The following EPHA6 variants were observed in gnomAD, a reference collection of about 807,000 sequenced individuals.
EPHA6 encodes ephrin type-A receptor 6.
Under a neutral mutation model 112.0 loss-of-function variants are expected in EPHA6, and 50 were observed. That is an observed-to-expected ratio of 0.45 (90% confidence interval 0.36 to 0.56). The LOEUF is 0.56. Among genes scored for constraint, EPHA6 ranks in the 20% least tolerant of loss-of-function variants. The pLI, the probability that EPHA6 is intolerant of heterozygous loss-of-function variation, is 0.00. For synonymous variants in EPHA6, 529 were observed against 490.7 expected (o/e 1.08, Z -1.03); for missense variants, 1,280 against 1,417.4 (o/e 0.90, Z 1.56).
At chr3:97,076,437 T>C (rs1297476873) in intron 3 of EPHA6, among the ~76,000 whole-genome samples, 1 of 152,076 alleles carries the variant, frequency 6.6e-6, no homozygotes, top group Non-Finnish European at 1.5e-5. Flanking sequence ...GGTAAGGAAG[T>C]GACAGAAGAA....
At chr3:97,258,351 G>A (rs1362113286) in intron 5 of EPHA6, among the ~76,000 whole-genome samples, 2 of 151,832 alleles carry the variant, frequency 1.3e-5, no homozygotes, top group East Asian at 1.9e-4. Context: ...AAATTTCAAT[G>A]TTATGATACT....
intron 1 of EPHA6, among the ~76,000 whole-genome samples, chr3:96,817,988 A>G (rs909725076): frequency 2.6e-5 from 4 of 151,924 alleles, no homozygotes; most frequent in African/African-American, 9.7e-5. Context: ...CAGAAAGTAA[A>G]GGTTCTTCCT....
At chr3:96,877,547 A>T (rs2037040233) in intron 2 of EPHA6, among the ~76,000 whole-genome samples, 1 of 152,050 alleles carries the variant, frequency 6.6e-6, no homozygotes, top group Admixed American at 6.6e-5. Context: ...AGAATAAAAA[A>T]TAGAACATAT....
intron 5 of EPHA6, among the ~76,000 whole-genome samples, chr3:97,387,668 C>A (rs2086150680): frequency 6.6e-6 from 1 of 152,100 alleles, no homozygotes; most frequent in Non-Finnish European, 1.5e-5. Context: ...TTCTTCTGAG[C>A]CCTCTAAACT....
chr3:96,920,616 C>A (rs773492304), intron 2 of EPHA6, among the ~76,000 whole-genome samples: 4 of 151,724 alleles, frequency 2.6e-5, no homozygotes, highest in Non-Finnish European at 4.4e-5. Context: ...CACTTAATTA[C>A]CCGTATTACA....
At chr3:97,320,871 T>A (rs542914481) in intron 5 of EPHA6, among the ~76,000 whole-genome samples, 1 of 147,258 alleles carries the variant, frequency 6.8e-6, no homozygotes, top group South Asian at 2.2e-4. Flanking sequence ...CCTAATTACA[T>A]CCTTGTCAAG....
intron 2 of EPHA6, among the ~76,000 whole-genome samples, chr3:96,929,554 C>T (rs2040209812): frequency 6.6e-6 from 1 of 152,176 alleles, no homozygotes; most frequent in Non-Finnish European, 1.5e-5. Flanking sequence ...TATTGGCCCC[C>T]AGTCTCTTCT....
At chr3:97,133,802 A>T (rs920749259) in intron 3 of EPHA6, among the ~76,000 whole-genome samples, 3 of 152,016 alleles carry the variant, frequency 2.0e-5, no homozygotes, top group Admixed American at 2.0e-4. Context: ...CACCTAGGAG[A>T]TCAAAGAAGT....
intron 14 of EPHA6, among the ~76,000 whole-genome samples, chr3:97,692,810 T>TA (rs2032758224): frequency 6.6e-6 from 1 of 152,186 alleles, no homozygotes; most frequent in South Asian, 2.1e-4. Context: ...AAAAAATACA[T>TA]ATGGGCAGTT....
chr3:97,259,684 A>C (rs2079433085), intron 5 of EPHA6, among the ~76,000 whole-genome samples: 1 of 152,226 alleles, frequency 6.6e-6, no homozygotes, highest in Non-Finnish European at 1.5e-5. Flanking sequence ...GCTGTCATAC[A>C]GTAGAAGTAA....
At chr3:97,234,044 G>T (rs988745978) in intron 4 of EPHA6, among the ~76,000 whole-genome samples, 8 of 152,088 alleles carry the variant, frequency 5.3e-5, no homozygotes, top group Non-Finnish European at 7.4e-5. Flanking sequence ...ACCATTAAGA[G>T]TTTTACAGAT....
intron 1 of EPHA6, among the ~76,000 whole-genome samples, chr3:96,841,321 G>A (rs1223561509): frequency 6.6e-6 from 1 of 152,092 alleles, no homozygotes; most frequent in African/African-American, 2.4e-5. Flanking sequence ...ACAGAATGCG[G>A]GCGGGTTTGC....
chr3:97,578,446 A>G (rs2093407994), intron 11 of EPHA6, among the ~76,000 whole-genome samples: 1 of 152,220 alleles, frequency 6.6e-6, no homozygotes, highest in Non-Finnish European at 1.5e-5. Flanking sequence ...CTGATCACAT[A>G]GCTTCATCTG....
At position 97,095,203 on chromosome 3, in the gene EPHA6, T is replaced by C. The variant is rs146360333; in HGVS notation, c.1114+107210T>C. On this transcript the variant is annotated intron_variant, in intron 3 of 17. Coordinates refer to ENST00000389672, the MANE Select transcript of EPHA6 (RefSeq NM_001080448.3). ...CATCCTGACTTTTTAATGATCGCCA[T>C]TCTAACTGGTATGAGATGGTATCTC... Among the ~76,000 whole-genome samples, 80 of 152,102 alleles carry C rather than the reference T, an allele frequency of 5.3e-4. 2 individuals are homozygous for C. The highest frequency in any genetic ancestry group is 1.9e-3 in the African/African-American group (77 of 41,524).
At chr3:97,048,897 G>A (rs996522806) in intron 3 of EPHA6, among the ~76,000 whole-genome samples, 1 of 152,210 alleles carries the variant, frequency 6.6e-6, no homozygotes, top group Non-Finnish European at 1.5e-5. Context: ...GATTTGGGGA[G>A]CAGGGGGATG....
At chr3:97,009,835 A>G (rs2044017014) in intron 3 of EPHA6, among the ~76,000 whole-genome samples, 1 of 152,170 alleles carries the variant, frequency 6.6e-6, no homozygotes, top group Non-Finnish European at 1.5e-5. Flanking sequence ...GCTGGAGGGA[A>G]CAGACTCCCC....
intron 11 of EPHA6, among the ~76,000 whole-genome samples, chr3:97,591,313 T>C (rs2093542298): frequency 6.6e-6 from 1 of 152,176 alleles, no homozygotes; most frequent in African/African-American, 2.4e-5. Context: ...AAGATATATA[T>C]AGTGTGCCCA....
chr3:97,156,871 A>C (rs1054488143), intron 3 of EPHA6, among the ~76,000 whole-genome samples: 2 of 152,148 alleles, frequency 1.3e-5, no homozygotes, highest in Non-Finnish European at 2.9e-5. Flanking sequence ...ACACATTTGA[A>C]ATATACTTTT....
chr3:96,997,110 G>A (rs892794573), intron 3 of EPHA6, among the ~76,000 whole-genome samples: 3 of 151,856 alleles, frequency 2.0e-5, no homozygotes, highest in Admixed American at 6.6e-5. Flanking sequence ...TTTTTATTTT[G>A]CAGCTTCCTC....
Sources: allele counts gnomAD v4.1 joint callset (sites outside exome capture counted in the v4.1 genomes callset), GRCh38; gene constraint gnomAD v4.1.1; transcripts MANE v1.5; gene names NCBI Gene and HGNC (gene_info 2026-07-23, HGNC 2026-07-21).